KLF8: variants seen among roughly 807,000 people sequenced by gnomAD.
The protein encoded by KLF8 is Krueppel-like factor 8.
In KLF8, 10 loss-of-function variants were observed where a neutral mutation model predicts 18.2. The ratio of observed to expected loss-of-function variants is 0.55; its 90% CI spans 0.34 to 0.93. The LOEUF (loss-of-function observed/expected upper bound fraction) is 0.93. Among genes scored for constraint, KLF8 ranks in the 40% least tolerant of loss-of-function variants. The pLI is 0.02. For missense variants in KLF8, 264 were observed against 277.9 expected, an observed-to-expected ratio of 0.95 and a Z score of 0.36; for synonymous variants, 109 against 97.3, an observed-to-expected ratio of 1.12 and a Z score of -0.71.
At chrX:55,922,292 A>G in the KLF8 span, among the ~76,000 whole-genome samples, 1 of 112,815 alleles carries the variant, frequency 8.9e-6, no homozygotes, top group Middle Eastern at 4.2e-3. Flanking sequence ...CATAAAAAGG[A>G]ATGAGATCTT....
chrX:56,278,835 T>A (rs1419684535), intron 5 of KLF8, among the ~76,000 whole-genome samples: 1 of 111,891 alleles, frequency 8.9e-6, no homozygotes, highest in Non-Finnish European at 1.9e-5. Flanking sequence ...AAGTTCTGAC[T>A]TCTGGGATGG....
the KLF8 span, among the ~76,000 whole-genome samples, chrX:55,987,886 C>T: frequency 6.3e-5 from 7 of 111,500 alleles, no homozygotes; most frequent in Admixed American, 1.9e-4. Context: ...TTTTAACGAT[C>T]GCCATTCTAA....
At chrX:56,154,135 G>A in the KLF8 span, among the ~76,000 whole-genome samples, 1 of 111,169 alleles carries the variant, frequency 9.0e-6, no homozygotes, top group African/African-American at 3.3e-5. Flanking sequence ...TCAATCCTAA[G>A]CCAAAAGAAA....
chrX:55,989,929 T>TG, the KLF8 span, among the ~76,000 whole-genome samples: 1,186 of 111,494 alleles, frequency 0.011, 14 homozygotes, highest in Middle Eastern at 0.098. Flanking sequence ...GGTTTAGTCT[T>TG]GGGGGGGTGT....
the KLF8 span, among the ~76,000 whole-genome samples, chrX:56,197,859 A>G: frequency 3.6e-5 from 4 of 112,070 alleles, no homozygotes; most frequent in Non-Finnish European, 7.5e-5. Context: ...GGCAAACCGA[A>G]TCCAGCAGCA....
At chrX:56,114,326 C>G in the KLF8 span, among the ~76,000 whole-genome samples, 1 of 112,742 alleles carries the variant, frequency 8.9e-6, no homozygotes, top group African/African-American at 3.2e-5. Context: ...GCAATGTTAG[C>G]GGCCGCCAAG....
the KLF8 span, among the ~76,000 whole-genome samples, chrX:56,225,186 A>G: frequency 9.0e-6 from 1 of 111,631 alleles, no homozygotes; most frequent in African/African-American, 3.3e-5. Flanking sequence ...GTTACCCAAT[A>G]TCTTATTATT....
chrX:56,251,285 T>C (rs1055739537), intron 2 of KLF8, among the ~76,000 whole-genome samples: 2 of 112,262 alleles, frequency 1.8e-5, no homozygotes, highest in Non-Finnish European at 3.8e-5. Context: ...TCAAATACAG[T>C]CAAAATTAAC....
chrX:56,134,820 G>GA, the KLF8 span, among the ~76,000 whole-genome samples: 84 of 103,996 alleles, frequency 8.1e-4, no homozygotes, highest in Non-Finnish European at 1.2e-3. Context: ...AAGAAAGAAA[G>GA]AAAAAAAAAA....
At chrX:56,174,761 C>A in the KLF8 span, among the ~76,000 whole-genome samples, 2 of 111,500 alleles carry the variant, frequency 1.8e-5, no homozygotes, top group African/African-American at 6.5e-5. Flanking sequence ...TTAATTATTG[C>A]CTCAATTTCA....
chrX:56,107,189 G>A, the KLF8 span, among the ~76,000 whole-genome samples: 1 of 112,301 alleles, frequency 8.9e-6, no homozygotes, highest in African/African-American at 3.2e-5. Context: ...ACCCACTGGA[G>A]TAGGCAGTCT....
chrX:56,189,413 CT>C, the KLF8 span, among the ~76,000 whole-genome samples: 1 of 111,549 alleles, frequency 9.0e-6, no homozygotes, highest in African/African-American at 3.3e-5. Flanking sequence ...CACTTTTACA[CT>C]GTTGGTGGGA....
the KLF8 span, among the ~76,000 whole-genome samples, chrX:55,970,733 A>T: frequency 8.9e-6 from 1 of 111,794 alleles, no homozygotes; most frequent in Admixed American, 9.5e-5. Flanking sequence ...TCAAATCAAC[A>T]TGCAATCATC....
the KLF8 span, among the ~76,000 whole-genome samples, chrX:56,106,606 G>A: frequency 4.1e-3 from 459 of 111,816 alleles, 2 homozygotes; most frequent in African/African-American, 0.014. Flanking sequence ...CTAGTTAGCC[G>A]TTTGTCTAAC....
chrX:56,044,478 G>T, the KLF8 span, among the ~76,000 whole-genome samples: 1 of 112,420 alleles, frequency 8.9e-6, no homozygotes, highest in South Asian at 3.7e-4. Context: ...AGAGGTTAAA[G>T]CTTTGTCCAT....
the KLF8 span, among the ~76,000 whole-genome samples, chrX:56,044,478 G>A: frequency 2.7e-5 from 3 of 112,420 alleles, no homozygotes; most frequent in Admixed American, 2.8e-4. Context: ...AGAGGTTAAA[G>A]CTTTGTCCAT....
chrX:56,138,859 G>T, the KLF8 span, among the ~76,000 whole-genome samples: 27 of 110,848 alleles, frequency 2.4e-4, no homozygotes, highest in African/African-American at 8.5e-4. Flanking sequence ...ATCCAAATAC[G>T]AACAGAAGAA....
the KLF8 span, among the ~76,000 whole-genome samples, chrX:56,206,769 C>T: frequency 8.9e-6 from 1 of 112,532 alleles, no homozygotes; most frequent in Non-Finnish European, 1.9e-5. Flanking sequence ...CTTGTCATAG[C>T]TCCACTAGGC....
At chrX:56,132,646 G>A in the KLF8 span, among the ~76,000 whole-genome samples, 1 of 110,863 alleles carries the variant, frequency 9.0e-6, no homozygotes, top group African/African-American at 3.3e-5. Flanking sequence ...AAACCCAGAA[G>A]AAGAAAAGAA....
Sources: gnomAD v4.1 joint callset for allele counts (sites outside exome capture counted in the v4.1 genomes callset) on GRCh38, gnomAD v4.1.1 for gene constraint, MANE v1.5 for transcripts, NCBI Gene and HGNC (gene_info 2026-07-23, HGNC 2026-07-21) for gene names.